APOBEC3F: variants seen among roughly 807,000 people sequenced by gnomAD.
APOBEC3F encodes the protein DNA dC->dU-editing enzyme APOBEC-3F.
A neutral mutation model predicts 45.8 loss-of-function variants in APOBEC3F; 34 were observed. The observed-to-expected ratio is 0.74, with a 90% CI of 0.57 to 0.99. The LOEUF is 0.99. APOBEC3F is among the 50% of genes least tolerant of loss of function. The pLI, the probability that APOBEC3F is intolerant of heterozygous loss-of-function variation, is 0.00. For missense variants in APOBEC3F, 459 were observed against 474.1 expected (o/e 0.97, Z 0.30); for synonymous variants, 192 against 174.4 (o/e 1.10, Z -0.80).
At position 39,043,986 on chromosome 22, in the gene APOBEC3F, T is replaced by C. The variant is rs567451328; in HGVS notation, c.171+896T>C. 1.9e-4 allele frequency: 271 copies of C among 1,432,634 alleles called. 2 individuals carry two copies. The highest frequency in any genetic ancestry group is 2.4e-4 in the Admixed American group (9 of 37,912). The allele number at this position is 1,432,634 out of a possible 1,614,324, so 88.7% of individuals were successfully genotyped here. ...GTTGTAGTGAGCCGAGATTGCATCA[T>C]TGCACTCCAGCCTGGGCAACAAGAG... On this transcript the variant is annotated intron_variant, in intron 2 of 6. Coordinates refer to ENST00000308521, the MANE Select transcript of APOBEC3F (RefSeq NM_145298.6).
In APOBEC3F at chr22:39,045,415, C is replaced by G; in HGVS notation, c.452-13C>G. Reference sequence around the variant, plus strand: ...AGGGCAGAGCCTGACTGCTTCCTGCCTCTTCGTCTCAGAATTTGCATACTG... The same window carrying G: ...AGGGCAGAGCCTGACTGCTTCCTGCGTCTTCGTCTCAGAATTTGCATACTG... On this transcript the variant is annotated splice_polypyrimidine_tract_variant and intron_variant, in intron 3 of 6. Coordinates refer to ENST00000308521, the MANE Select transcript of APOBEC3F (RefSeq NM_145298.6). 1 of 1,614,034 alleles carries G rather than the reference C, an allele frequency of 6.2e-7. No individual in the cohort carries two copies.
At position 39,054,465 on chromosome 22, in the gene APOBEC3F, C is replaced by T. The variant is rs967039652; in HGVS notation, c.*1770C>T. 4.6e-5 allele frequency among the ~76,000 whole-genome samples: 7 copies of T among 151,818 alleles called. No homozygotes were observed. The highest frequency in any genetic ancestry group is 1.0e-4 in the Non-Finnish European group (7 of 67,944). On this transcript the variant is annotated 3_prime_UTR_variant, in exon 7 of 7. Coordinates refer to ENST00000308521, the MANE Select transcript of APOBEC3F (RefSeq NM_145298.6). ...CAGGCTGGTCTTGAACTCCTGACCT[C>T]GTGATCCACCCGTCTCGGCCTCCCA... is the stretch of plus-strand genomic sequence containing the variant.
chr22:39,046,646 C>G (rs1418773040), intron 4 of APOBEC3F, among the ~76,000 whole-genome samples: 1 of 149,872 alleles, frequency 6.7e-6, no homozygotes, highest in Non-Finnish European at 1.5e-5. Context: ...GAGACACTGT[C>G]TCCCTCTGTC....
At chr22:39,047,807 G>C (rs1458736901) in intron 4 of APOBEC3F, among the ~76,000 whole-genome samples, 1 of 151,632 alleles carries the variant, frequency 6.6e-6, no homozygotes, top group African/African-American at 2.4e-5. Flanking sequence ...CTCCCTCTCT[G>C]TGCTTCTCGC....
intron 4 of APOBEC3F, among the ~76,000 whole-genome samples, chr22:39,048,687 G>T (rs781750830): frequency 3.3e-5 from 5 of 152,180 alleles, no homozygotes; most frequent in Non-Finnish European, 7.3e-5. Context: ...CGTGCCTGCA[G>T]TCCCAGCTAG....
rs374934989 is a variant in APOBEC3F at position 39,052,365 on chromosome 22, G to T, written c.1003+12G>T. 1.2e-6 allele frequency: 2 copies of T among 1,613,262 alleles called. No homozygotes were observed. The highest frequency in any genetic ancestry group is 1.7e-6 in the Non-Finnish European group (2 of 1,179,348). On this transcript the variant is annotated intron_variant, in intron 6 of 6. Transcript: ENST00000308521. ...CATGGGCTACAAAGGTGAGACGTTG[G>T]GGGGCTGAGGAGAGTGGGTGCGGGA...
intron 6 of APOBEC3F, 47 bp from the exon 7 acceptor site, chr22:39,052,530 A>G: frequency 6.3e-7 from 1 of 1,588,314 alleles, no homozygotes; most frequent in South Asian, 1.2e-5. Flanking sequence ...CAGGGCTGGG[A>G]GAGAAGCCTG....
chr22:39,049,887 G>C (rs1200297557), intron 5 of APOBEC3F, among the ~76,000 whole-genome samples: 1 of 151,692 alleles, frequency 6.6e-6, no homozygotes, highest in Non-Finnish European at 1.5e-5. Context: ...ATTTTTAGTA[G>C]AGACGGGGTT....
rs569367683 is a variant in APOBEC3F at position 39,048,445 on chromosome 22, C to T, written c.567-980C>T. ...ATCCCAGCACTTTGGGAGGCTGAGT[C>T]GGGCAGATCACAAGGTCAGGAGTTC... On this transcript the variant is annotated intron_variant, in intron 4 of 6. Transcript: ENST00000308521. Among the ~76,000 whole-genome samples, 12 of 152,276 alleles carry T rather than the reference C, an allele frequency of 7.9e-5. 1 individual carries two copies. The South Asian group carries it at 2.3e-3, about 29-fold the overall frequency.
At position 39,044,964 on chromosome 22, in the gene APOBEC3F, C is replaced by T. The variant is rs748570407; in HGVS notation, c.195C>T (p.His65=). The change falls in exon 3 of 7, where the codon CAC becomes CAT. Residue 65 remains histidine, a synonymous_variant. Coordinates refer to ENST00000308521, the MANE Select transcript of APOBEC3F (RefSeq NM_145298.6). ...AGGTGTATTCCCAGCCTGAGCACCA[C>T]GCAGAAATGTGCTTCCTCTCTTGGT... The part of the protein sequence containing the change: ...RGQVYSQPEH[H]AEMCFLSWFC... 1.4e-5 allele frequency: 23 copies of T among 1,613,884 alleles called. No individual in the cohort carries two copies. The highest frequency in any genetic ancestry group is 1.6e-4 in the Middle Eastern group (1 of 6,082).
In APOBEC3F at chr22:39,055,033, A is replaced by G. The variant is rs1016925794; in HGVS notation, c.*2338A>G. On this transcript the variant is annotated 3_prime_UTR_variant, in exon 7 of 7. Coordinates refer to ENST00000308521, the MANE Select transcript of APOBEC3F (RefSeq NM_145298.6). ...CTGTGTCCTCTGTGGCCTTTCCTCTATGAACCTGTACTGTACCTCTGGGGT... is the reference window on the plus strand; with the variant it reads ...CTGTGTCCTCTGTGGCCTTTCCTCTGTGAACCTGTACTGTACCTCTGGGGT... Among the ~76,000 whole-genome samples the G allele has an allele frequency of 1.3e-5, 2 of 150,036 alleles. No homozygotes were observed. Among genetic ancestry groups the G allele is most frequent in the Admixed American group, 6.6e-5 (1 of 15,076 alleles).
At chr22:39,044,359 G>A (rs868494534) in intron 2 of APOBEC3F, 8 of 1,398,358 alleles carry the variant, frequency 5.7e-6, no homozygotes, top group Middle Eastern at 5.2e-4. Context: ...TGCACTTTGT[G>A]ATGATGCTTC....
At chr22:39,041,520 C>T (rs1268064226) in intron 1 of APOBEC3F, among the ~76,000 whole-genome samples, 2 of 152,234 alleles carry the variant, frequency 1.3e-5, no homozygotes, top group Non-Finnish European at 2.9e-5. Flanking sequence ...CCCAAACACA[C>T]GCTCCTCCTC....
intron 4 of APOBEC3F, among the ~76,000 whole-genome samples, chr22:39,047,172 G>A (rs561727132): frequency 4.6e-5 from 7 of 152,214 alleles, no homozygotes; most frequent in South Asian, 4.1e-4. Context: ...ACCCCCACCC[G>A]CTATTCCTCC....
chr22:39,052,457 A>G, intron 6 of APOBEC3F, 104 bp downstream of exon 6: 1 of 1,574,956 alleles, frequency 6.3e-7, no homozygotes, highest in Admixed American at 1.7e-5. Flanking sequence ...GGAAGCCTGC[A>G]GGGATGGCGC....
chr22:39,040,895 C>G lies in APOBEC3F; in HGVS notation c.-66C>G. On this transcript the variant is annotated 5_prime_UTR_variant, in exon 1 of 7. Transcript: ENST00000308521. ...GGGAGGGCTGTCCTGAAACCTGGAG[C>G]CTGGAGCAGAAAGTGAAACCCTGGT... is the stretch of plus-strand genomic sequence containing the variant. 8 of 1,552,830 alleles carry G rather than the reference C, an allele frequency of 5.2e-6. No homozygotes were observed. Among genetic ancestry groups the G allele is most frequent in the Non-Finnish European group, 7.0e-6 (8 of 1,147,498 alleles).
At chr22:39,049,788 C>G (rs554375762) in intron 5 of APOBEC3F, among the ~76,000 whole-genome samples, 1 of 151,466 alleles carries the variant, frequency 6.6e-6, no homozygotes, top group African/African-American at 2.4e-5. Flanking sequence ...CAACCTCTGC[C>G]TCCTGGGTTC....
chr22:39,048,537 C>T (rs573284031), intron 4 of APOBEC3F, among the ~76,000 whole-genome samples: 4 of 151,972 alleles, frequency 2.6e-5, no homozygotes, highest in African/African-American at 7.3e-5. Context: ...GGTCTGGCCG[C>T]GATGGCTCAC....
chr22:39,048,806 AAAAT>A (rs1375095291), intron 4 of APOBEC3F, among the ~76,000 whole-genome samples: 4 of 151,592 alleles, frequency 2.6e-5, no homozygotes, highest in African/African-American at 7.3e-5. Context: ...ACCCCGTATA[AAAAT>A]AAATAAATAA....
Sources: gnomAD v4.1 joint callset for allele counts (sites outside exome capture counted in the v4.1 genomes callset) on GRCh38, gnomAD v4.1.1 for gene constraint, MANE v1.5 for transcripts, NCBI Gene and HGNC (gene_info 2026-07-23, HGNC 2026-07-21) for gene names.